Variants in CALD1 observed in about 807,000 individuals in gnomAD.
The protein encoded by CALD1 is caldesmon.
CALD1 carries 33 observed loss-of-function variants against 99.9 expected under a neutral mutation model. That is an observed-to-expected ratio of 0.33 (90% CI 0.25 to 0.44). The LOEUF is 0.44. Among genes scored for constraint, CALD1 ranks in the 20% least tolerant of loss-of-function variants. The pLI, the probability that CALD1 is intolerant of heterozygous loss-of-function variation, is 1.00. For synonymous variants in CALD1, 310 were observed against 325.0 expected, an observed-to-expected ratio of 0.95 and a Z score of 0.50; for missense variants, 861 against 962.1, an observed-to-expected ratio of 0.89 and a Z score of 1.39.
intron 3 of CALD1, among the ~76,000 whole-genome samples, chr7:134,895,700 A>G (rs999966165): frequency 1.3e-5 from 2 of 152,196 alleles, no homozygotes; most frequent in African/African-American, 4.8e-5. Flanking sequence ...CCTACAAAGT[A>G]ATGGGCACTT....
At chr7:134,761,869 A>T (rs1291485027) in intron 1 of CALD1, among the ~76,000 whole-genome samples, 3 of 152,170 alleles carry the variant, frequency 2.0e-5, no homozygotes, top group South Asian at 2.1e-4. Context: ...TATTATTATT[A>T]TTTTTGAAAT....
chr7:134,759,458 G>A (rs57213652), intron 1 of CALD1, among the ~76,000 whole-genome samples: 1,858 of 152,278 alleles, frequency 0.012, 38 homozygotes, highest in African/African-American at 0.039. Flanking sequence ...ACACAGATAC[G>A]GAGGAACAGT....
chr7:134,904,709 A>G (rs549803159), intron 3 of CALD1, among the ~76,000 whole-genome samples: 2 of 152,258 alleles, frequency 1.3e-5, no homozygotes, highest in South Asian at 4.1e-4. Context: ...CTTTGTGATC[A>G]GGAAGTATTC....
chr7:134,917,539 G>A (rs1033052620), intron 3 of CALD1, among the ~76,000 whole-genome samples: 3 of 152,014 alleles, frequency 2.0e-5, no homozygotes, highest in African/African-American at 7.2e-5. Context: ...TAGTAGAGAC[G>A]GAGTTTCACC....
intron 1 of CALD1, among the ~76,000 whole-genome samples, chr7:134,751,347 C>T (rs1014583507): frequency 5.3e-5 from 8 of 152,172 alleles, no homozygotes; most frequent in Non-Finnish European, 1.2e-4. Context: ...CTCTGTCTTC[C>T]AATATTTTGG....
At chr7:134,789,480 A>G (rs916567335) in intron 1 of CALD1, among the ~76,000 whole-genome samples, 2 of 152,220 alleles carry the variant, frequency 1.3e-5, no homozygotes, top group African/African-American at 2.4e-5. Context: ...TGAATCTCAA[A>G]TTTACCACTT....
At chr7:134,769,975 A>G (rs759651454) in intron 1 of CALD1, among the ~76,000 whole-genome samples, 2 of 152,164 alleles carry the variant, frequency 1.3e-5, no homozygotes, top group Non-Finnish European at 2.9e-5. Flanking sequence ...TAAACATTGA[A>G]AATGTTCTCT....
At chr7:134,793,977 CT>C (rs1229646768) in intron 1 of CALD1, among the ~76,000 whole-genome samples, 2 of 152,184 alleles carry the variant, frequency 1.3e-5, no homozygotes, top group Non-Finnish European at 2.9e-5. Flanking sequence ...TTCAATTCTT[CT>C]TCTCCCTTGA....
chr7:134,857,708 T>C (rs1041657804), intron 2 of CALD1, among the ~76,000 whole-genome samples: 2 of 152,162 alleles, frequency 1.3e-5, no homozygotes, highest in African/African-American at 4.8e-5. Context: ...CATCCTTTAG[T>C]TGGGTTTCAA....
At position 134,941,023 on chromosome 7, in the gene CALD1, G is replaced by C. The variant is rs76502148; in HGVS notation, c.1387-69G>C. ...TTCCTAACAATTTTGGGTCTTACTT[G>C]ATGATACCAACCAAAACCTAATAAG... On this transcript the variant is annotated intron_variant, in intron 6 of 14. Transcript: ENST00000361675. 2.7e-3 allele frequency: 3,731 copies of C among 1,383,654 alleles called. 71 individuals are homozygous for C. In the African/African-American group the frequency reaches 0.048, roughly 18 times the overall value. 85.7% of individuals were successfully genotyped at this position (1,383,654 alleles called of 1,614,324 possible). A position where few individuals can be genotyped will look rare whatever the true frequency, so the allele number is the denominator to read the frequency against.
chr7:134,766,969 C>T (rs969202571), intron 1 of CALD1, among the ~76,000 whole-genome samples: 3 of 152,116 alleles, frequency 2.0e-5, no homozygotes, highest in Admixed American at 2.0e-4. Context: ...AAAGAGAAGA[C>T]TGGAGCTAAA....
chr7:134,871,856 G>A (rs917254944), intron 3 of CALD1, among the ~76,000 whole-genome samples: 8 of 152,230 alleles, frequency 5.3e-5, no homozygotes, highest in African/African-American at 7.2e-5. Context: ...AAAATAAAGC[G>A]AATTTTTACA....
intron 1 of CALD1, among the ~76,000 whole-genome samples, chr7:134,829,109 G>A (rs1234760269): frequency 6.6e-6 from 1 of 152,210 alleles, no homozygotes; most frequent in Non-Finnish European, 1.5e-5. Context: ...ACTGCAAAGT[G>A]CTGAGGAATC....
chr7:134,960,684 A>G, intron 13 of CALD1, 56 bp downstream of exon 13: 1 of 1,115,972 alleles, frequency 9.0e-7, no homozygotes, highest in Non-Finnish European at 1.4e-6. Flanking sequence ...CTACCAGCAG[A>G]AGAAAACAAG....
chr7:134,798,835 G>A (rs529863946), intron 1 of CALD1, among the ~76,000 whole-genome samples: 3 of 152,274 alleles, frequency 2.0e-5, no homozygotes, highest in African/African-American at 7.2e-5. Context: ...CTGACATCTA[G>A]AGGCATCTCA....
At chr7:134,865,006 C>A (rs1800739218) in intron 2 of CALD1, among the ~76,000 whole-genome samples, 1 of 152,128 alleles carries the variant, frequency 6.6e-6, no homozygotes, top group South Asian at 2.1e-4. Flanking sequence ...CTATTTGTGA[C>A]ACCCAGAGCC....
chr7:134,903,544 G>A (rs1803145968), intron 3 of CALD1, among the ~76,000 whole-genome samples: 1 of 152,126 alleles, frequency 6.6e-6, no homozygotes, highest in South Asian at 2.1e-4. Flanking sequence ...CCATGCCTCT[G>A]TCCTCACTTC....
At chr7:134,863,801 A>G (rs1800669690) in intron 2 of CALD1, among the ~76,000 whole-genome samples, 1 of 152,252 alleles carries the variant, frequency 6.6e-6, no homozygotes, top group Admixed American at 6.5e-5. Flanking sequence ...ATAAATATAA[A>G]TATACTTTCA....
chr7:134,900,493 T>C (rs1802910247), intron 3 of CALD1, among the ~76,000 whole-genome samples: 1 of 152,106 alleles, frequency 6.6e-6, no homozygotes, highest in Non-Finnish European at 1.5e-5. Context: ...TTCTGGGGTG[T>C]AGCTGCGCTG....
Sources: allele counts gnomAD v4.1 joint callset (sites outside exome capture counted in the v4.1 genomes callset), GRCh38; gene constraint gnomAD v4.1.1; transcripts MANE v1.5; gene names NCBI Gene and HGNC (gene_info 2026-07-23, HGNC 2026-07-21).